UBTF: variants seen among roughly 807,000 people sequenced by gnomAD.
The protein encoded by UBTF is upstream binding transcription factor.
In UBTF, 8 loss-of-function variants were observed where a neutral mutation model predicts 112.3. That is an observed-to-expected ratio of 0.07 (90% CI 0.04 to 0.13). UBTF has a LOEUF of 0.13. UBTF is among the 10% of genes least tolerant of loss of function. UBTF has a pLI of 1.00. For synonymous variants in UBTF, 417 were observed against 373.1 expected (o/e 1.12, Z -1.36); for missense variants, 457 against 982.1 (o/e 0.47, Z 7.15).
chr17:44,213,037 G>C (rs2056794394), intron 6 of UBTF, 98 bp from the exon 7 acceptor site: 40 of 1,564,158 alleles, frequency 2.6e-5, no homozygotes, highest in South Asian at 1.3e-4. Context: ...CCTTTCAGCT[G>C]GGGCTCAGTG....
At chr17:44,214,120 CTT>C (rs2046724454) in intron 5 of UBTF, among the ~76,000 whole-genome samples, 1 of 152,212 alleles carries the variant, frequency 6.6e-6, no homozygotes, top group African/African-American at 2.4e-5. Flanking sequence ...ATGTCCATCT[CTT>C]CTTTCATCCT....
intron 13 of UBTF, 111 bp from the exon 14 acceptor site, chr17:44,210,584 A>G: frequency 9.9e-6 from 14 of 1,415,148 alleles, no homozygotes; most frequent in South Asian, 5.9e-5. Context: ...GCTGGTGCAG[A>G]TGTCTCCCGC....
Position 44,212,843 on chromosome 17 carries a change from C to T in UBTF, c.636G>A (p.Lys212=), listed in dbSNP as rs1361187967. 1 of 1,614,118 alleles carries T rather than the reference C, an allele frequency of 6.2e-7. No homozygotes were observed. The highest frequency in any genetic ancestry group is 1.7e-5 in the Admixed American group (1 of 60,012). Residue 212 remains lysine, a synonymous_variant, in exon 7 of 21, where the codon AAG becomes AAA. Transcript: ENST00000436088. ...CATCTGGCCGCACTTTGAGATACAC[C>T]TTCTTCTCGTGGGTGTACCACAGCT... ...PQQLWYTHEK[K]VYLKVRPDAT...
In UBTF at chr17:44,211,171, C is replaced by G. The variant is rs1372842757; in HGVS notation, c.1090-19G>C. 1.2e-6 allele frequency: 2 copies of G among 1,612,742 alleles called. No homozygotes were observed. The highest frequency in any genetic ancestry group is 2.2e-5 in the East Asian group (1 of 44,884). ...GCAGGCTCTGGACAGGAAAGAGGAG[C>G]ACGGGGCTGCATGCCTGGCACCCAG... is the stretch of plus-strand genomic sequence containing the variant. On this transcript the variant is annotated intron_variant, in intron 11 of 20. Transcript: ENST00000436088. This position sits in a 1 kb window ranked among gnomAD's most constrained non-coding sequence, Gnocchi z 4.9.
chr17:44,206,944 G>A lies in UBTF; in HGVS notation c.*298C>T, dbSNP rs989970877. The A allele has an allele frequency of 7.9e-5, 39 of 492,892 alleles. No individual in the cohort carries two copies. Among genetic ancestry groups the A allele is most frequent in the African/African-American group, 4.9e-4 (25 of 50,706 alleles). 30.5% of individuals were successfully genotyped at this position (492,892 alleles called of 1,614,324 possible). ...CACTCTCCGGTCCATTGTCCATGCCGGAACCGCAAGTGCAGAAGTGGGTGG... is the reference window on the plus strand; with the variant it reads ...CACTCTCCGGTCCATTGTCCATGCCAGAACCGCAAGTGCAGAAGTGGGTGG... On this transcript the variant is annotated 3_prime_UTR_variant, in exon 21 of 21. Coordinates refer to ENST00000436088, the MANE Select transcript of UBTF (RefSeq NM_014233.4).
upstream of UBTF, among the ~76,000 whole-genome samples, chr17:44,220,189 C>CGGGGAAACTAG (rs2047113540): frequency 6.6e-6 from 1 of 151,532 alleles, no homozygotes; most frequent in East Asian, 2.0e-4. Flanking sequence ...GCCAGACCCG[C>CGGGGAAACTAG]GGGGGAACTA....
In UBTF at chr17:44,206,921, C is replaced by T. The variant is rs2056275845; in HGVS notation, c.*321G>A. On this transcript the variant is annotated 3_prime_UTR_variant, in exon 21 of 21. Transcript: ENST00000436088. ...AACTCTTTGGGACCCCCCACCCCCA[C>T]TCTCCGGTCCATTGTCCATGCCGGA... is the stretch of plus-strand genomic sequence containing the variant. The T allele has an allele frequency of 4.5e-6, 2 of 444,120 alleles. No individual in the cohort carries two copies. The highest frequency in any genetic ancestry group is 2.0e-5 in the African/African-American group (1 of 49,366). 27.5% of individuals were successfully genotyped at this position (444,120 alleles called of 1,614,324 possible). A position where few individuals can be genotyped will look rare whatever the true frequency, so the allele number is the denominator to read the frequency against.
intron 15 of UBTF, 56 bp from the exon 16 acceptor site, chr17:44,209,789 C>T (rs753939807): frequency 8.8e-5 from 138 of 1,568,010 alleles, no homozygotes; most frequent in East Asian, 2.0e-4. Context: ...ATACTGCTGC[C>T]TTCTGCCTCA....
chr17:44,217,305 G>A (rs2046894963), intron 2 of UBTF, among the ~76,000 whole-genome samples: 1 of 152,158 alleles, frequency 6.6e-6, no homozygotes, highest in African/African-American at 2.4e-5. Context: ...GGAAACAGAA[G>A]CAGAAGCAGG....
chr17:44,205,901 G>C lies in UBTF; in HGVS notation c.*1341C>G, dbSNP rs2056216515. Reference sequence around the variant, plus strand: ...TGGCTGGGAAGAGTTAGAGACAGCTGCAGATGCAGCTTTTGCAGACTTCTT... The same window carrying C: ...TGGCTGGGAAGAGTTAGAGACAGCTCCAGATGCAGCTTTTGCAGACTTCTT... On this transcript the variant is annotated 3_prime_UTR_variant, in exon 21 of 21. Coordinates refer to ENST00000436088, the MANE Select transcript of UBTF (RefSeq NM_014233.4). 1 of 152,240 alleles carries C rather than the reference G, an allele frequency of 6.6e-6. No individual in the cohort carries two copies. The highest frequency in any genetic ancestry group is 1.5e-5 in the Non-Finnish European group (1 of 68,056). The allele number at this position is 152,240 out of a possible 1,614,324, so 9.4% of individuals were successfully genotyped here. A position where few individuals can be genotyped will look rare whatever the true frequency, so the allele number is the denominator to read the frequency against.
intron 13 of UBTF, 143 bp downstream of exon 13, chr17:44,210,649 C>T (rs1317914001): frequency 7.2e-7 from 1 of 1,390,014 alleles, no homozygotes; most frequent in Non-Finnish European, 9.4e-7. Flanking sequence ...TCCCGCCTTC[C>T]GGCTGCTGGG....
chr17:44,207,043 T>C lies in UBTF; in HGVS notation c.*199A>G. The C allele has an allele frequency of 4.8e-6, 3 of 621,228 alleles. No individual in the cohort carries two copies. Among genetic ancestry groups the C allele is most frequent in the Non-Finnish European group, 8.3e-6 (3 of 360,888 alleles). The allele number at this position is 621,228 out of a possible 1,614,324, so 38.5% of individuals were successfully genotyped here. A position where few individuals can be genotyped will look rare whatever the true frequency, so the allele number is the denominator to read the frequency against. On this transcript the variant is annotated 3_prime_UTR_variant, in exon 21 of 21. Coordinates refer to ENST00000436088, the MANE Select transcript of UBTF (RefSeq NM_014233.4). ...CTGGAGGAGGACCCCCAAGGGCTGA[T>C]GTCTCTGAGGCTGCAGAGTCCTGGC... is the stretch of plus-strand genomic sequence containing the variant.
intron 1 of UBTF, among the ~76,000 whole-genome samples, chr17:44,218,718 C>T (rs1409996893): frequency 6.6e-6 from 1 of 151,706 alleles, no homozygotes; most frequent in Non-Finnish European, 1.5e-5. Flanking sequence ...GAAGCGGGCA[C>T]GCGCCCCAGT....
chr17:44,215,035 T>G (rs115267992), intron 5 of UBTF, among the ~76,000 whole-genome samples: 1,642 of 152,278 alleles, frequency 0.011, 35 homozygotes, highest in African/African-American at 0.037. Context: ...TCTGGGACAG[T>G]GCCCGACCTC....
At chr17:44,208,697 G>A (rs2056439769) in intron 17 of UBTF, 1 of 167,694 alleles carries the variant, frequency 6.0e-6, no homozygotes, top group South Asian at 1.0e-4. Context: ...AAGGACACAG[G>A]TGATTCTCTC....
rs754723249 is a variant in UBTF, at chr17:44,210,431, C to T, written c.1402G>A (p.Glu468Lys). 6.2e-7 allele frequency: 1 copy of T among 1,613,632 alleles called. No homozygotes were observed. Among genetic ancestry groups the T allele is most frequent in the Non-Finnish European group, 8.5e-7 (1 of 1,179,984 alleles). ...AREAALKAQS[E>K]RKPGGEREER... ...TCGCGCTCCCCGCCGGGCTTCCTCT[C>T]CGACTGAGCCTTGAGCGCCGCCTCT... Residue 468 changes from glutamate (E) to lysine (K), a missense_variant, in exon 14 of 21, where the codon GAG becomes AAG. Physicochemically the swap from Glu to Lys is moderately conservative, Grantham distance 56. Coordinates refer to ENST00000436088, the MANE Select transcript of UBTF (RefSeq NM_014233.4).
At position 44,206,588 on chromosome 17, in the gene UBTF, C is replaced by A. The variant is rs1438597712; in HGVS notation, c.*654G>T. The A allele has an allele frequency of 6.7e-6, 1 of 149,044 alleles. No individual in the cohort carries two copies. Among genetic ancestry groups the A allele is most frequent in the East Asian group, 2.0e-4 (1 of 5,098 alleles). The allele number at this position is 149,044 out of a possible 1,614,324, so 9.2% of individuals were successfully genotyped here. ...CAGAAATGACAACAGAGACGGCAGCCGAGATCGGTAGGAAACGTCTCGTTG... is the reference window on the plus strand; with the variant it reads ...CAGAAATGACAACAGAGACGGCAGCAGAGATCGGTAGGAAACGTCTCGTTG... On this transcript the variant is annotated 3_prime_UTR_variant, in exon 21 of 21. Transcript: ENST00000436088.
In UBTF at chr17:44,209,680, C is replaced by T. The variant is rs1380425102; in HGVS notation, c.1680G>A (p.Lys560=). 3 of 1,614,092 alleles carry T rather than the reference C, an allele frequency of 1.9e-6. No homozygotes were observed. Among genetic ancestry groups the T allele is most frequent in the Non-Finnish European group, 1.7e-6 (2 of 1,180,036 alleles). Residue 560 remains lysine, a synonymous_variant, in exon 16 of 21, where the codon AAG becomes AAA. Transcript: ENST00000436088. ...APPAATNSSK[K]MKFQGEPKKP... ...TCTTGGGTTCTCCCTGGAATTTCAT[C>T]TTCTTGGAAGAATTTGTAGCAGCTG...
Position 44,219,643 on chromosome 17 carries a change from C to CT in UBTF, c.-267dup, listed in dbSNP as rs2047067728. ...GCGGCGGCGGCGGCGGCGGCTGTGG[C>CT]TGCTGCCTGCTGCTCCTCGCGGCGA... is the stretch of plus-strand genomic sequence containing the variant. On this transcript the variant is annotated 5_prime_UTR_variant, in exon 1 of 21. Transcript: ENST00000436088. 1 of 161,358 alleles carries CT rather than the reference C, an allele frequency of 6.2e-6. No homozygotes were observed. Among genetic ancestry groups the CT allele is most frequent in the Non-Finnish European group, 1.3e-5 (1 of 76,038 alleles). 10.0% of individuals were successfully genotyped at this position (161,358 alleles called of 1,614,324 possible). A position where few individuals can be genotyped will look rare whatever the true frequency, so the allele number is the denominator to read the frequency against.
Sources: allele counts gnomAD v4.1 joint callset (sites outside exome capture counted in the v4.1 genomes callset), GRCh38; gene constraint gnomAD v4.1.1; non-coding constraint Gnocchi (gnomAD v3.1); transcripts MANE v1.5; gene names NCBI Gene and HGNC (gene_info 2026-07-23, HGNC 2026-07-21).